The following PCCA variants were observed in gnomAD, a reference collection of about 807,000 sequenced individuals.
PCCA encodes propionyl-CoA carboxylase alpha chain, mitochondrial.
PCCA carries 74 observed loss-of-function variants against 101.3 expected under a neutral mutation model. The ratio of observed to expected loss-of-function variants is 0.73; its 90% confidence interval spans 0.61 to 0.89. The LOEUF (loss-of-function observed/expected upper bound fraction) is 0.89, where lower values mean the gene tolerates loss of function less well. Among genes scored for constraint, PCCA ranks in the 40% least tolerant of loss-of-function variants. PCCA has a pLI of 0.00. For missense variants in PCCA, 891 were observed against 907.0 expected (o/e 0.98, Z 0.23); for synonymous variants, 294 against 313.6 (o/e 0.94, Z 0.66).
chr13:100,110,537 T>C (rs1372333999), intron 2 of PCCA, among the ~76,000 whole-genome samples: 3 of 152,200 alleles, frequency 2.0e-5, no homozygotes, highest in Non-Finnish European at 4.4e-5. Flanking sequence ...TACTGTTTGG[T>C]CTCAGCTGCT....
At chr13:100,261,123 C>T (rs1378041217) in intron 9 of PCCA, among the ~76,000 whole-genome samples, 1 of 151,872 alleles carries the variant, frequency 6.6e-6, no homozygotes, top group Admixed American at 6.6e-5. Context: ...GGAATTAAAG[C>T]ACAAAAATAA....
At chr13:100,528,295 G>C (rs1025402014) in intron 23 of PCCA, among the ~76,000 whole-genome samples, 9 of 152,182 alleles carry the variant, frequency 5.9e-5, no homozygotes, top group Non-Finnish European at 1.3e-4. Flanking sequence ...AGATAGAAAA[G>C]TCCTTTTAAG....
At chr13:100,401,959 C>G (rs2077391460) in intron 19 of PCCA, among the ~76,000 whole-genome samples, 1 of 152,040 alleles carries the variant, frequency 6.6e-6, no homozygotes, top group Admixed American at 6.5e-5. Flanking sequence ...AAAATCTTTT[C>G]TTATTGCCTG....
At chr13:100,433,561 A>G (rs550641448) in intron 20 of PCCA, among the ~76,000 whole-genome samples, 6 of 152,016 alleles carry the variant, frequency 3.9e-5, no homozygotes, top group Admixed American at 3.3e-4. Context: ...AAAACCACAT[A>G]CCATTCTAAC....
intron 4 of PCCA, among the ~76,000 whole-genome samples, chr13:100,132,780 A>G (rs1045696101): frequency 1.3e-5 from 2 of 148,360 alleles, no homozygotes; most frequent in East Asian, 3.9e-4. Flanking sequence ...TCTTGTCAGT[A>G]TTTTTTTTTT....
intron 4 of PCCA, among the ~76,000 whole-genome samples, chr13:100,129,915 C>T (rs902019712): frequency 5.9e-5 from 9 of 152,180 alleles, no homozygotes; most frequent in African/African-American, 2.2e-4. Context: ...GCGTTTTTCT[C>T]CTGTTTTGAG....
chr13:100,383,006 A>G (rs1025243976), intron 19 of PCCA, among the ~76,000 whole-genome samples: 19 of 152,134 alleles, frequency 1.2e-4, no homozygotes, highest in African/African-American at 4.3e-4. Context: ...CACAGCTTAG[A>G]ACATATTTTT....
chr13:100,093,964 C>T (rs1328927441), intron 1 of PCCA, among the ~76,000 whole-genome samples: 2 of 151,984 alleles, frequency 1.3e-5, no homozygotes, highest in African/African-American at 4.8e-5. Context: ...CACGATGGCT[C>T]ATGCCTGTAA....
At chr13:100,105,657 CAAAAAAAAAA>C (rs34277733) in intron 2 of PCCA, among the ~76,000 whole-genome samples, 4 of 75,862 alleles carry the variant, frequency 5.3e-5, no homozygotes, top group Admixed American at 5.0e-4. Context: ...CTGTCTCTAC[CAAAAAAAAAA>C]AAAAAAAAAA....
intron 19 of PCCA, among the ~76,000 whole-genome samples, chr13:100,416,492 T>TTTGAAC (rs1211065937): frequency 6.7e-6 from 1 of 149,748 alleles, no homozygotes; most frequent in Non-Finnish European, 1.5e-5. Context: ...AAATCATGTT[T>TTTGAAC]TTGAACTTGT....
intron 12 of PCCA, among the ~76,000 whole-genome samples, chr13:100,281,762 A>G (rs1300139566): frequency 6.6e-6 from 1 of 152,068 alleles, no homozygotes. Context: ...CATTTTAATG[A>G]CTTCTAATAA....
chr13:100,405,464 T>A (rs969143022), intron 19 of PCCA, among the ~76,000 whole-genome samples: 5 of 152,160 alleles, frequency 3.3e-5, no homozygotes, highest in Admixed American at 2.6e-4. Context: ...ACATAATTTC[T>A]CTCCAGTCCT....
chr13:100,338,971 T>G (rs764076777), intron 17 of PCCA, among the ~76,000 whole-genome samples: 71 of 152,264 alleles, frequency 4.7e-4, no homozygotes, highest in Non-Finnish European at 8.7e-4. Flanking sequence ...CAAATAAGTT[T>G]AGGCAACTAG....
Position 100,164,447 on chromosome 13 carries a change from A to G in PCCA, c.468+7107A>G, listed in dbSNP as rs187095283. Among the ~76,000 whole-genome samples the G allele has an allele frequency of 4.1e-3, 619 of 152,334 alleles. 8 individuals carry two copies. Among genetic ancestry groups the G allele is most frequent in the African/African-American group, 0.014 (592 of 41,574 alleles). ...ACTAGGTAAAGCTGGTCTTAGGGTTACAGCAGGCTGTTTCAGCAACTGGGC... is the reference window on the plus strand; with the variant it reads ...ACTAGGTAAAGCTGGTCTTAGGGTTGCAGCAGGCTGTTTCAGCAACTGGGC... On this transcript the variant is annotated intron_variant, in intron 6 of 23. Transcript: ENST00000376285.
At chr13:100,268,051 C>T (rs532485208) in intron 10 of PCCA, among the ~76,000 whole-genome samples, 14 of 152,156 alleles carry the variant, frequency 9.2e-5, no homozygotes, top group South Asian at 6.2e-4. Flanking sequence ...TCTGAAAATT[C>T]GAAATGCTCC....
At chr13:100,361,030 A>G (rs1373344279) in intron 18 of PCCA, among the ~76,000 whole-genome samples, 1 of 152,222 alleles carries the variant, frequency 6.6e-6, no homozygotes, top group East Asian at 1.9e-4. Flanking sequence ...GTATGGGGAA[A>G]AAGCTAATCT....
rs185832488 is a variant in PCCA, at chr13:100,421,158, C to G, written c.1747-4475C>G. 7.2e-5 allele frequency among the ~76,000 whole-genome samples: 11 copies of G among 151,934 alleles called. 1 individual carries two copies. In the East Asian group the frequency reaches 2.1e-3, roughly 29 times the overall value. On this transcript the variant is annotated intron_variant, in intron 19 of 23. Transcript: ENST00000376285. The stretch of plus-strand genomic sequence containing the variant: ...GGAGGTGGACGGAGGTTGCAGTGAG[C>G]TGAGATTGCGAGACTGTGCTGCAGC...
chr13:100,395,016 G>C (rs530993530), intron 19 of PCCA, among the ~76,000 whole-genome samples: 1 of 152,276 alleles, frequency 6.6e-6, no homozygotes, highest in South Asian at 2.1e-4. Flanking sequence ...AATGCTTGAG[G>C]GGGTTTGGGG....
In PCCA at chr13:100,367,953, G is replaced by A. The variant is rs985805444; in HGVS notation, c.1644-519G>A. On this transcript the variant is annotated intron_variant, in intron 18 of 23. Coordinates refer to ENST00000376285, the MANE Select transcript of PCCA (RefSeq NM_000282.4). Reference sequence around the variant, plus strand: ...AGCCCGGGCGACAGTGCAAGATTCCGTCTCAAAAATAATAATAATAATTAA... The same window carrying A: ...AGCCCGGGCGACAGTGCAAGATTCCATCTCAAAAATAATAATAATAATTAA... Among the ~76,000 whole-genome samples, 10 of 151,684 alleles carry A rather than the reference G, an allele frequency of 6.6e-5. No individual in the cohort carries two copies. In the East Asian group the frequency reaches 7.7e-4, roughly 12 times the overall value.
Sources: allele counts gnomAD v4.1 joint callset (sites outside exome capture counted in the v4.1 genomes callset), GRCh38; gene constraint gnomAD v4.1.1; transcripts MANE v1.5; gene names NCBI Gene and HGNC (gene_info 2026-07-23, HGNC 2026-07-21).